The following DOCK2 variants were observed in gnomAD, a reference collection of about 807,000 sequenced individuals.
DOCK2 encodes dedicator of cytokinesis protein 2.
A neutral mutation model predicts 248.9 loss-of-function variants in DOCK2; 87 were observed. The ratio of observed to expected loss-of-function variants is 0.35; its 90% CI spans 0.29 to 0.42. DOCK2 has a LOEUF of 0.42. Among genes scored for constraint, DOCK2 ranks in the 10% least tolerant of loss-of-function variants. The probability of loss-of-function intolerance (pLI) is 1.00; values close to 1 mark genes in which losing one functional copy is unlikely to be tolerated. For missense variants in DOCK2, 1,747 were observed against 2,300.2 expected (o/e 0.76, Z 4.92); for synonymous variants, 805 against 821.6 (o/e 0.98, Z 0.35).
At chr5:170,027,164 T>G (rs1458344517) in intron 33 of DOCK2, among the ~76,000 whole-genome samples, 1 of 152,014 alleles carries the variant, frequency 6.6e-6, no homozygotes, top group Non-Finnish European at 1.5e-5. Flanking sequence ...AAAAGACTCA[T>G]TTTGCTAAGA....
intron 29 of DOCK2, among the ~76,000 whole-genome samples, chr5:169,989,980 C>T (rs1427077521): frequency 6.6e-6 from 1 of 152,180 alleles, no homozygotes; most frequent in Admixed American, 6.5e-5. Flanking sequence ...GAATCACTGA[C>T]ACCCATTTTC....
chr5:170,031,086 G>A (rs541415497), intron 34 of DOCK2, among the ~76,000 whole-genome samples: 17 of 152,324 alleles, frequency 1.1e-4, no homozygotes, highest in African/African-American at 2.4e-4. Context: ...ATTGATCCAC[G>A]TATATCTGAA....
intron 27 of DOCK2, among the ~76,000 whole-genome samples, chr5:169,923,107 T>C (rs73325995): frequency 9.5e-4 from 144 of 152,318 alleles, no homozygotes; most frequent in African/African-American, 3.2e-3. Context: ...GGATTGTGCC[T>C]AGGCTCTCAG....
intron 41 of DOCK2, among the ~76,000 whole-genome samples, chr5:170,052,087 T>G (rs1756937324): frequency 6.6e-6 from 1 of 152,230 alleles, no homozygotes; most frequent in African/African-American, 2.4e-5. Flanking sequence ...TTGCACCGTT[T>G]AGCACAAATT....
At chr5:169,861,908 T>C (rs1430967802) in intron 27 of DOCK2, among the ~76,000 whole-genome samples, 1 of 151,430 alleles carries the variant, frequency 6.6e-6, no homozygotes, top group East Asian at 1.9e-4. Flanking sequence ...ATGTCAACAT[T>C]TTATTTATTT....
At chr5:169,957,373 T>C (rs1581470472) in intron 27 of DOCK2, among the ~76,000 whole-genome samples, 1 of 152,260 alleles carries the variant, frequency 6.6e-6, no homozygotes, top group Admixed American at 6.5e-5. Context: ...ATAGACAAAG[T>C]ACTTAGCACA....
intron 2 of DOCK2, among the ~76,000 whole-genome samples, chr5:169,667,671 CCTGT>C (rs1026429479): frequency 4.1e-4 from 63 of 152,140 alleles, no homozygotes; most frequent in Non-Finnish European, 2.2e-4. Flanking sequence ...AATCTCTGTG[CCTGT>C]CTATTTTCAT....
rs543486807 is a variant in DOCK2 at position 169,976,672 on chromosome 5, A to AAATGAAGAGTGTGTAATG, written c.2800-6392_2800-6375dup. On this transcript the variant is annotated intron_variant, in intron 27 of 51. Coordinates refer to ENST00000520908, the MANE Select transcript of DOCK2 (RefSeq NM_004946.3). Reference sequence around the variant, plus strand: ...ACCAGGATCAGAAGGTGTTAGTTTCAAATGAAGAGTGTGTAATGAATTCAG... The same window carrying AAATGAAGAGTGTGTAATG: ...ACCAGGATCAGAAGGTGTTAGTTTCAAATGAAGAGTGTGTAATGAATGAAGAGTGTGTAATGAATTCAG... Among the ~76,000 whole-genome samples the AAATGAAGAGTGTGTAATG allele has an allele frequency of 2.7e-3, 418 of 152,346 alleles. 2 individuals carry two copies. The highest frequency in any genetic ancestry group is 0.01 in the Middle Eastern group (3 of 294).
rs949552803 is a variant in DOCK2 at position 169,881,070 on chromosome 5, C to T, written c.2799+40218C>T. Among the ~76,000 whole-genome samples the T allele has an allele frequency of 6.6e-5, 10 of 152,066 alleles. No homozygotes were observed. The South Asian group carries it at 1.2e-3, about 19-fold the overall frequency. On this transcript the variant is annotated intron_variant, in intron 27 of 51. Coordinates refer to ENST00000520908, the MANE Select transcript of DOCK2 (RefSeq NM_004946.3). ...GGAAAATGCTCTGTGTGAGCGAGAC[C>T]GAATGCCTTAACTTTCCTGAAGGTG...
At chr5:169,901,701 AG>A (rs923063918) in intron 27 of DOCK2, among the ~76,000 whole-genome samples, 1 of 152,188 alleles carries the variant, frequency 6.6e-6, no homozygotes, top group Admixed American at 6.5e-5. Flanking sequence ...ATGTAGAGAA[AG>A]GAAATTAATT....
Position 170,063,838 on chromosome 5 carries a change from G to A in DOCK2, c.4468-3672G>A, listed in dbSNP as rs758678588. Among the ~76,000 whole-genome samples the A allele has an allele frequency of 1.8e-4, 27 of 152,152 alleles. No homozygotes were observed. In the East Asian group the frequency reaches 2.5e-3, roughly 14 times the overall value. ...CTATATCCCCAGAAGCAGAGGGTGC[G>A]GCCTGAACCTGAGTCTAGGCACTTG... On this transcript the variant is annotated intron_variant, in intron 44 of 51. Coordinates refer to ENST00000520908, the MANE Select transcript of DOCK2 (RefSeq NM_004946.3).
intron 27 of DOCK2, among the ~76,000 whole-genome samples, chr5:169,869,653 TACTAC>T (rs957352172): frequency 1.1e-4 from 16 of 152,196 alleles, no homozygotes; most frequent in Admixed American, 5.2e-4. Context: ...CTTACTTAGC[TACTAC>T]ACCATGCTTA....
At chr5:170,056,652 A>C in intron 42 of DOCK2, 32 bp from the exon 43 acceptor site, 1 of 1,602,508 alleles carries the variant, frequency 6.2e-7, no homozygotes, top group Non-Finnish European at 8.5e-7. Context: ...GGGGATGGCT[A>C]CCAGGAGCCT....
chr5:169,807,177 G>T (rs373197212), intron 26 of DOCK2, among the ~76,000 whole-genome samples: 1 of 152,078 alleles, frequency 6.6e-6, no homozygotes, highest in South Asian at 2.1e-4. Context: ...GGTGGGTGGG[G>T]CACTGCAATG....
chr5:170,028,912 T>TAATATTTGGTAATTAA (rs1261174606), intron 34 of DOCK2, among the ~76,000 whole-genome samples: 35 of 152,228 alleles, frequency 2.3e-4, no homozygotes, highest in Admixed American at 2.3e-3. Flanking sequence ...AATTGCCAAA[T>TAATATTTGGTAATTAA]AATATTTGGT....
At chr5:169,867,989 C>T (rs1448093801) in intron 27 of DOCK2, among the ~76,000 whole-genome samples, 4 of 152,218 alleles carry the variant, frequency 2.6e-5, no homozygotes, top group Non-Finnish European at 5.9e-5. Context: ...ATTCACAATG[C>T]TCCTAGCTCC....
At chr5:170,019,241 G>A in intron 33 of DOCK2, 133 bp downstream of exon 33, 2 of 1,369,414 alleles carry the variant, frequency 1.5e-6, no homozygotes, top group Non-Finnish European at 1.0e-6. Context: ...TTATTCATGG[G>A]TCCGGAATGA....
chr5:169,747,261 G>A, intron 22 of DOCK2, 135 bp from the exon 23 acceptor site: 1 of 689,768 alleles, frequency 1.4e-6, no homozygotes, highest in East Asian at 2.9e-5. Flanking sequence ...AGCATCTGCA[G>A]AATCCTCTCC....
chr5:169,848,351 C>A (rs1409661524), intron 27 of DOCK2, among the ~76,000 whole-genome samples: 1 of 152,170 alleles, frequency 6.6e-6, no homozygotes, highest in African/African-American at 2.4e-5. Flanking sequence ...CCAGGGACAC[C>A]AGAGTGCGTA....
Sources: gnomAD v4.1 joint callset for allele counts (sites outside exome capture counted in the v4.1 genomes callset) on GRCh38, gnomAD v4.1.1 for gene constraint, MANE v1.5 for transcripts, NCBI Gene and HGNC (gene_info 2026-07-23, HGNC 2026-07-21) for gene names.